The following TRIM26 variants were observed in gnomAD, a reference collection of about 807,000 sequenced individuals.
The protein encoded by TRIM26 is tripartite motif-containing protein 26.
TRIM26 carries 16 observed loss-of-function variants against 45.5 expected under a neutral mutation model. The observed-to-expected ratio is 0.35, with a 90% CI of 0.24 to 0.53. The LOEUF is 0.53. Among genes scored for constraint, TRIM26 ranks in the 20% least tolerant of loss-of-function variants. The probability of loss-of-function intolerance (pLI) is 0.92; values close to 1 mark genes in which losing one functional copy is unlikely to be tolerated. For missense variants in TRIM26, 442 were observed against 691.1 expected (o/e 0.64, Z 4.04); for synonymous variants, 273 against 290.4 (o/e 0.94, Z 0.61).
rs1343167817 is a variant in TRIM26, at chr6:30,193,160, G to GTA, written c.766-3126_766-3125insTA. ...TATGTGTGTGTGTGTGTGTGTGTGT[G>GTA]TGTATATATATATATATATATATTT... On this transcript the variant is annotated intron_variant, in intron 6 of 9. Transcript: ENST00000454678. 1.6e-3 allele frequency among the ~76,000 whole-genome samples: 52 copies of GTA among 33,156 alleles called. 1 individual carries two copies. Among genetic ancestry groups the GTA allele is most frequent in the African/African-American group, 2.5e-3 (15 of 6,114 alleles). 21.8% of individuals were successfully genotyped at this position (33,156 alleles called of 152,430 possible).
chr6:30,199,004 C>T lies in TRIM26; in HGVS notation c.100G>A (p.Val34Ile). The T allele has an allele frequency of 6.2e-7, 1 of 1,611,850 alleles. No individual in the cohort carries two copies. Among genetic ancestry groups the T allele is most frequent in the Non-Finnish European group, 8.5e-7 (1 of 1,179,206 alleles). Residue 34 changes from valine (V) to isoleucine (I), a missense_variant, in exon 4 of 10, where the codon GTC becomes ATC. Transcript: ENST00000454678. ...TCTGTGGTGCAGCTGCGGCAGAAGA[C>T]GTGGCCACAGTCAATGGTCACAGGG... ...RDPVTIDCGH[V>I]FCRSCTTDVR...
At chr6:30,191,190 G>T (rs1775792669) in intron 6 of TRIM26, among the ~76,000 whole-genome samples, 1 of 152,130 alleles carries the variant, frequency 6.6e-6, no homozygotes, top group South Asian at 2.1e-4. Flanking sequence ...TTGTACAGGG[G>T]GGAGAATGGT....
rs151135197 is a variant in TRIM26, at chr6:30,187,046, C to A, written c.938-488G>T. The A allele has an allele frequency of 3.2e-3, 1,038 of 324,368 alleles. 5 individuals carry two copies. The highest frequency in any genetic ancestry group is 0.013 in the African/African-American group (607 of 45,372). The allele number at this position is 324,368 out of a possible 1,614,324, so 20.1% of individuals were successfully genotyped here. On this transcript the variant is annotated intron_variant, in intron 9 of 9. Transcript: ENST00000454678. ...TGAAACACAATAACTATGTGAATGACCACTATAAAATGTTGGTTCATTCAC... is the reference window on the plus strand; with the variant it reads ...TGAAACACAATAACTATGTGAATGAACACTATAAAATGTTGGTTCATTCAC...
chr6:30,208,542 T>C (rs1265714236), intron 1 of TRIM26, among the ~76,000 whole-genome samples: 2 of 149,936 alleles, frequency 1.3e-5, no homozygotes, highest in Admixed American at 6.7e-5. Context: ...TTCCATGTAT[T>C]TGGGTGGGGG....
chr6:30,188,486 C>A, intron 9 of TRIM26: 1 of 269,436 alleles, frequency 3.7e-6, no homozygotes. Flanking sequence ...ACGGTATTCA[C>A]AGACAGCTCA....
At chr6:30,205,363 C>T (rs1261752573) in intron 1 of TRIM26, among the ~76,000 whole-genome samples, 1 of 152,204 alleles carries the variant, frequency 6.6e-6, no homozygotes, top group African/African-American at 2.4e-5. Context: ...TGCAGACACT[C>T]CCTACCTTTC....
At chr6:30,213,012 C>T (rs1345459028) in intron 1 of TRIM26, among the ~76,000 whole-genome samples, 1 of 152,024 alleles carries the variant, frequency 6.6e-6, no homozygotes, top group African/African-American at 2.4e-5. Context: ...AGCAACCGGA[C>T]GGTCATCCAG....
chr6:30,195,048 T>C (rs1293310753), intron 6 of TRIM26, among the ~76,000 whole-genome samples: 2 of 152,158 alleles, frequency 1.3e-5, no homozygotes, highest in African/African-American at 4.8e-5. Flanking sequence ...TTCTCTCCCT[T>C]CCCTTGACCT....
At chr6:30,202,201 AC>A (rs1777254505) in intron 2 of TRIM26, among the ~76,000 whole-genome samples, 1 of 152,160 alleles carries the variant, frequency 6.6e-6, no homozygotes, top group African/African-American at 2.4e-5. Context: ...ACACCTCATC[AC>A]CCAGGCTCCA....
In TRIM26 at chr6:30,196,311, T is replaced by C. The variant is rs927066391; in HGVS notation, c.765+205A>G. On this transcript the variant is annotated intron_variant, in intron 6 of 9. Transcript: ENST00000454678. This position sits in a 1 kb window ranked among gnomAD's most constrained non-coding sequence, Gnocchi z 4.9. Reference sequence around the variant, plus strand: ...TTTTTGAACAGTTTTGTGTAAAAAGTTTATTTTTTGAAGTGACAGCATGCC... The same window carrying C: ...TTTTTGAACAGTTTTGTGTAAAAAGCTTATTTTTTGAAGTGACAGCATGCC... Among the ~76,000 whole-genome samples the C allele has an allele frequency of 1.3e-5, 2 of 152,240 alleles. No homozygotes were observed. The highest frequency in any genetic ancestry group is 4.8e-5 in the African/African-American group (2 of 41,456).
intron 2 of TRIM26, among the ~76,000 whole-genome samples, chr6:30,202,082 C>G (rs1033491479): frequency 6.6e-6 from 1 of 152,064 alleles, no homozygotes; most frequent in African/African-American, 2.4e-5. Context: ...TGAAGGATAG[C>G]CTGTGTTATC....
intron 2 of TRIM26, among the ~76,000 whole-genome samples, chr6:30,201,611 C>T (rs868431564): frequency 1.3e-5 from 2 of 152,008 alleles, no homozygotes; most frequent in African/African-American, 2.4e-5. Flanking sequence ...TTTGGGAGGC[C>T]GAGGCAGGTG....
chr6:30,185,379 T>C lies in TRIM26; in HGVS notation c.*497A>G, dbSNP rs1775049382. 1 of 158,126 alleles carries C rather than the reference T, an allele frequency of 6.3e-6. No individual in the cohort carries two copies. 9.8% of individuals were successfully genotyped at this position (158,126 alleles called of 1,614,324 possible). ...ATTTTGTTTATTTTCAGCATTGCCA[T>C]GTATGCTTAACTCTGAGTTGGGGTG... On this transcript the variant is annotated 3_prime_UTR_variant, in exon 10 of 10. Coordinates refer to ENST00000454678, the MANE Select transcript of TRIM26 (RefSeq NM_003449.5). The surrounding 1 kb of genome is among the most constrained non-coding windows in gnomAD (Gnocchi z 5.7).
chr6:30,203,770 C>T (rs1477166272), intron 2 of TRIM26, among the ~76,000 whole-genome samples: 1 of 151,234 alleles, frequency 6.6e-6, no homozygotes, highest in African/African-American at 2.4e-5. Context: ...AGCTCCATGT[C>T]TCCCACCTAA....
chr6:30,198,740 C>T lies in TRIM26; in HGVS notation c.364G>A (p.Val122Met), dbSNP rs569951003. Residue 122 changes from valine (V) to methionine (M), a missense_variant, in exon 4 of 10, where the codon GTG becomes ATG. Physicochemically the swap from Val to Met is conservative, Grantham distance 21. Transcript: ENST00000454678. This position sits in a 1 kb window ranked among gnomAD's most constrained non-coding sequence, Gnocchi z 6.3. ...TGCTCCCGGGACTCCCGGCACATCA[C>T]GCACAGCAGCTTCCCGTCGTCCTCA... ...YCEDDGKLLCVMCRESREHRP... is the reference protein window; with the variant it reads ...YCEDDGKLLCMMCRESREHRP... 10 of 1,604,400 alleles carry T rather than the reference C, an allele frequency of 6.2e-6. No individual in the cohort carries two copies. The highest frequency in any genetic ancestry group is 8.5e-6 in the Non-Finnish European group (10 of 1,179,942).
Position 30,186,467 on chromosome 6 carries a change from A to C in TRIM26, c.1029T>G (p.Ser343Arg). The C allele has an allele frequency of 1.3e-6, 2 of 1,582,272 alleles. No homozygotes were observed. Among genetic ancestry groups the C allele is most frequent in the Non-Finnish European group, 1.7e-6 (2 of 1,164,490 alleles). ...KCVTYTSLYK[S>R]AYLHPQQFDC... ...CAAACTGCTGGGGGTGCAGGTAGGC[A>C]CTCTTGTACAGGCTGGTGTAGGTCA... The change falls in exon 10 of 10, where the codon AGT becomes AGG. Residue 343 changes from serine (S) to arginine (R), a missense_variant. Coordinates refer to ENST00000454678, the MANE Select transcript of TRIM26 (RefSeq NM_003449.5). The surrounding 1 kb of genome is among the most constrained non-coding windows in gnomAD (Gnocchi z 7.4).
Position 30,185,659 on chromosome 6 carries a change from G to GCAGGAGGTGGGC in TRIM26, c.*216_*217insGCCCACCTCCTG. 1 of 591,306 alleles carries GCAGGAGGTGGGC rather than the reference G, an allele frequency of 1.7e-6. No homozygotes were observed. Among genetic ancestry groups the GCAGGAGGTGGGC allele is most frequent in the Non-Finnish European group, 2.9e-6 (1 of 342,392 alleles). 36.6% of individuals were successfully genotyped at this position (591,306 alleles called of 1,614,324 possible). On this transcript the variant is annotated 3_prime_UTR_variant, in exon 10 of 10. Transcript: ENST00000454678. This position sits in a 1 kb window ranked among gnomAD's most constrained non-coding sequence, Gnocchi z 5.7. ...GGTCAGAAGTTCCCTCGGGAAACCA[G>GCAGGAGGTGGGC]CAGGAGGTGGGAAAAGAGCCCCATT...
Position 30,198,393 on chromosome 6 carries a change from C to T in TRIM26, c.534+36G>A, listed in dbSNP as rs771003094. On this transcript the variant is annotated intron_variant, in intron 5 of 9. Coordinates refer to ENST00000454678, the MANE Select transcript of TRIM26 (RefSeq NM_003449.5). The surrounding 1 kb of genome is among the most constrained non-coding windows in gnomAD (Gnocchi z 6.3). Reference sequence around the variant, plus strand: ...AGGCTCACCCTGCCCTACACGGGCGCACCGCCTCAGGGCTTCCTGAAACAG... The same window carrying T: ...AGGCTCACCCTGCCCTACACGGGCGTACCGCCTCAGGGCTTCCTGAAACAG... 2 of 1,611,070 alleles carry T rather than the reference C, an allele frequency of 1.2e-6. No individual in the cohort carries two copies. The highest frequency in any genetic ancestry group is 1.7e-6 in the Non-Finnish European group (2 of 1,178,954).
In TRIM26 at chr6:30,190,420, G is replaced by A. The variant is rs1035362074; in HGVS notation, c.766-385C>T. On this transcript the variant is annotated intron_variant, in intron 6 of 9. Coordinates refer to ENST00000454678, the MANE Select transcript of TRIM26 (RefSeq NM_003449.5). The surrounding 1 kb of genome is among the most constrained non-coding windows in gnomAD (Gnocchi z 4.3). ...GTAAGGAGTTTCACTTTTGCTCCAC[G>A]TACAGTGGAAACCCACCAAGGGTTT... The A allele has an allele frequency of 5.6e-5, 16 of 283,806 alleles. 1 individual carries two copies. Among genetic ancestry groups the A allele is most frequent in the African/African-American group, 3.2e-4 (15 of 46,920 alleles). The allele number at this position is 283,806 out of a possible 1,614,324, so 17.6% of individuals were successfully genotyped here.
Sources: gnomAD v4.1 joint callset for allele counts (sites outside exome capture counted in the v4.1 genomes callset) on GRCh38, gnomAD v4.1.1 for gene constraint, Gnocchi (gnomAD v3.1) non-coding constraint, MANE v1.5 for transcripts, NCBI Gene and HGNC (gene_info 2026-07-23, HGNC 2026-07-21) for gene names.